Variants in PRKCA observed in about 807,000 individuals in gnomAD.
PRKCA encodes the protein protein kinase C alpha.
PRKCA carries 27 observed loss-of-function variants against 87.0 expected under a neutral mutation model. The ratio of observed to expected loss-of-function variants is 0.31; its 90% CI spans 0.23 to 0.43. The LOEUF (loss-of-function observed/expected upper bound fraction) is 0.43. PRKCA is among the 20% of genes least tolerant of loss of function. The pLI, the probability that PRKCA is intolerant of heterozygous loss-of-function variation, is 1.00. For synonymous variants in PRKCA, 329 were observed against 311.1 expected, an observed-to-expected ratio of 1.06 and a Z score of -0.61; for missense variants, 518 against 852.3, an observed-to-expected ratio of 0.61 and a Z score of 4.88.
intron 8 of PRKCA, among the ~76,000 whole-genome samples, chr17:66,724,737 G>T (rs1401770542): frequency 1.3e-5 from 2 of 152,208 alleles, no homozygotes; most frequent in African/African-American, 4.8e-5. Flanking sequence ...GCTTCCTCAG[G>T]TTTTCTGAAA....
chr17:66,644,548 C>T (rs993528073), intron 4 of PRKCA, among the ~76,000 whole-genome samples: 1 of 152,092 alleles, frequency 6.6e-6, no homozygotes, highest in Non-Finnish European at 1.5e-5. Context: ...TTTTTATCCT[C>T]CCCCTGTCTC....
chr17:66,742,965 T>C (rs1468900609), intron 13 of PRKCA, among the ~76,000 whole-genome samples: 1 of 152,244 alleles, frequency 6.6e-6, no homozygotes, highest in African/African-American at 2.4e-5. Context: ...TTCCTGGAAC[T>C]GTTGTTTGCT....
chr17:66,567,383 G>A lies in PRKCA; in HGVS notation c.288+71100G>A, dbSNP rs9914566. ...GCCTCCTGGCTTCTGTGTGGCGACC[G>A]AGACTGACCCCTGCTGGCAGATTGT... On this transcript the variant is annotated intron_variant, in intron 3 of 16. Coordinates refer to ENST00000413366, the MANE Select transcript of PRKCA (RefSeq NM_002737.3). Among the ~76,000 whole-genome samples, 483 of 152,234 alleles carry A rather than the reference G, an allele frequency of 3.2e-3. 5 individuals are homozygous for A. Among genetic ancestry groups the A allele is most frequent in the African/African-American group, 0.011 (448 of 41,544 alleles).
At chr17:66,431,417 T>C (rs1471531841) in intron 2 of PRKCA, among the ~76,000 whole-genome samples, 1 of 152,202 alleles carries the variant, frequency 6.6e-6, no homozygotes, top group African/African-American at 2.4e-5. Flanking sequence ...ATACTTTTCT[T>C]AATGGAACAA....
At chr17:66,734,914 A>G (rs1199986389) in intron 9 of PRKCA, among the ~76,000 whole-genome samples, 1 of 152,208 alleles carries the variant, frequency 6.6e-6, no homozygotes, top group African/African-American at 2.4e-5. Flanking sequence ...ACTATTTCTC[A>G]GTGTTCAGAA....
At chr17:66,383,854 G>A (rs1381206313) in intron 2 of PRKCA, among the ~76,000 whole-genome samples, 1 of 152,060 alleles carries the variant, frequency 6.6e-6, no homozygotes, top group Non-Finnish European at 1.5e-5. Flanking sequence ...TTGGGAGGCT[G>A]AGGCAGAATA....
At chr17:66,445,777 C>T (rs1914002712) in intron 2 of PRKCA, among the ~76,000 whole-genome samples, 1 of 151,684 alleles carries the variant, frequency 6.6e-6, no homozygotes. Context: ...CATCTGTCTA[C>T]ATTAGGGTTG....
At chr17:66,602,188 T>C (rs1970061163) in intron 3 of PRKCA, among the ~76,000 whole-genome samples, 1 of 43,130 alleles carries the variant, frequency 2.3e-5, no homozygotes, top group Non-Finnish European at 4.5e-5. Context: ...CCTTGCAGTT[T>C]GATCTCAGAC....
At chr17:66,597,539 C>A (rs1410638934) in intron 3 of PRKCA, among the ~76,000 whole-genome samples, 1 of 39,722 alleles carries the variant, frequency 2.5e-5, no homozygotes. Context: ...GTTGCCTGTT[C>A]ACTCTGATGG....
intron 2 of PRKCA, among the ~76,000 whole-genome samples, chr17:66,425,269 C>A (rs1328672625): frequency 1.3e-5 from 2 of 152,080 alleles, no homozygotes; most frequent in Non-Finnish European, 2.9e-5. Flanking sequence ...CTTCTTCTCC[C>A]ACCTCCACCA....
chr17:66,314,953 GTA>G (rs1442400795), intron 2 of PRKCA, among the ~76,000 whole-genome samples: 2 of 150,864 alleles, frequency 1.3e-5, no homozygotes, highest in African/African-American at 4.9e-5. Context: ...GTATGTGTAT[GTA>G]TATATGTGTG....
At chr17:66,389,950 G>T (rs544872298) in intron 2 of PRKCA, among the ~76,000 whole-genome samples, 1 of 152,214 alleles carries the variant, frequency 6.6e-6, no homozygotes, top group African/African-American at 2.4e-5. Flanking sequence ...GAGGCCGGGC[G>T]CAGTGGCTCA....
chr17:66,771,842 G>A (rs927033807), intron 13 of PRKCA, among the ~76,000 whole-genome samples: 3 of 152,072 alleles, frequency 2.0e-5, no homozygotes, highest in African/African-American at 4.8e-5. Flanking sequence ...TGATCCACCC[G>A]CCTTGGCCTC....
At chr17:66,518,369 G>A (rs544767412) in intron 3 of PRKCA, among the ~76,000 whole-genome samples, 203 of 152,280 alleles carry the variant, frequency 1.3e-3, no homozygotes, top group Non-Finnish European at 2.5e-3. Context: ...GGCTTTGTAA[G>A]TTGAAGGGCC....
chr17:66,741,454 G>C (rs1392109431), intron 11 of PRKCA, among the ~76,000 whole-genome samples: 1 of 152,172 alleles, frequency 6.6e-6, no homozygotes, highest in African/African-American at 2.4e-5. Flanking sequence ...CGGTTTCATT[G>C]GTTTTATTAG....
chr17:66,548,841 T>C (rs1968236120), intron 3 of PRKCA, among the ~76,000 whole-genome samples: 1 of 151,964 alleles, frequency 6.6e-6, no homozygotes, highest in South Asian at 2.1e-4. Context: ...TCTCTCTCTG[T>C]TGCCCAGGCT....
intron 13 of PRKCA, among the ~76,000 whole-genome samples, chr17:66,745,504 A>G (rs191739399): frequency 7.5e-4 from 114 of 151,506 alleles, no homozygotes; most frequent in African/African-American, 2.8e-3. Context: ...ACATAGTGAA[A>G]CCCCATCTCT....
At chr17:66,765,556 TTATA>T (rs748386604) in intron 13 of PRKCA, among the ~76,000 whole-genome samples, 1 of 142,916 alleles carries the variant, frequency 7.0e-6, no homozygotes, top group African/African-American at 2.6e-5. Context: ...ATATATGTCT[TTATA>T]TATATATATA....
At chr17:66,382,087 G>A (rs1489968516) in intron 2 of PRKCA, among the ~76,000 whole-genome samples, 2 of 152,094 alleles carry the variant, frequency 1.3e-5, no homozygotes, top group African/African-American at 4.8e-5. Context: ...CAGATGGAGC[G>A]GTGCAAGGCA....
Sources: allele counts gnomAD v4.1 joint callset (sites outside exome capture counted in the v4.1 genomes callset), GRCh38; gene constraint gnomAD v4.1.1; transcripts MANE v1.5; gene names NCBI Gene and HGNC (gene_info 2026-07-23, HGNC 2026-07-21).